The following NPAS3 variants were observed in gnomAD, a reference collection of about 807,000 sequenced individuals.
NPAS3 encodes neuronal PAS domain-containing protein 3.
NPAS3 carries 14 observed loss-of-function variants against 73.1 expected under a neutral mutation model. That is an observed-to-expected ratio of 0.19 (90% CI 0.13 to 0.30). NPAS3 has a LOEUF of 0.30. Among genes scored for constraint, NPAS3 ranks in the 10% least tolerant of loss-of-function variants. The pLI is 1.00. For missense variants in NPAS3, 1,096 were observed against 1,250.0 expected (o/e 0.88, Z 1.86); for synonymous variants, 620 against 541.5 (o/e 1.14, Z -2.01).
At chr14:33,797,698 C>T in intron 11 of NPAS3, 117 bp downstream of exon 11, 1 of 972,434 alleles carries the variant, frequency 1.0e-6, no homozygotes, top group Non-Finnish European at 1.6e-6. Context: ...TTCAGAGAGA[C>T]ATATGTCACA....
intron 4 of NPAS3, among the ~76,000 whole-genome samples, chr14:33,470,842 A>G (rs1259654397): frequency 2.0e-5 from 3 of 151,788 alleles, no homozygotes; most frequent in African/African-American, 4.8e-5. Flanking sequence ...CATTTCAGAG[A>G]TATTCTATTT....
chr14:33,170,379 G>A lies in NPAS3; in HGVS notation c.141-44803G>A, dbSNP rs2045345174. Among the ~76,000 whole-genome samples the A allele has an allele frequency of 3.9e-5, 6 of 152,322 alleles. No homozygotes were observed. In the South Asian group the frequency reaches 1.2e-3, roughly 32 times the overall value. Reference sequence around the variant, plus strand: ...GAACCATAATCTTTTGGCTGGTAGAGGGTCTTGCCTTCATGTTGGTGGCTG... The same window carrying A: ...GAACCATAATCTTTTGGCTGGTAGAAGGTCTTGCCTTCATGTTGGTGGCTG... On this transcript the variant is annotated intron_variant, in intron 2 of 11. Coordinates refer to ENST00000356141, the Ensembl canonical transcript of NPAS3.
intron 3 of NPAS3, among the ~76,000 whole-genome samples, chr14:33,346,291 G>A (rs1008630263): frequency 2.6e-5 from 4 of 151,672 alleles, no homozygotes; most frequent in African/African-American, 9.7e-5. Flanking sequence ...CACTTTGGGA[G>A]GCCAAGGTGG....
At chr14:33,735,382 G>C (rs1436624582) in intron 7 of NPAS3, 50 bp downstream of exon 7, 2 of 1,293,518 alleles carry the variant, frequency 1.5e-6, no homozygotes, top group East Asian at 2.3e-5. Context: ...CCAGTCCTAG[G>C]TAATTTGCAT....
At chr14:33,298,566 ATGTTTATTTC>A (rs1342864379) in intron 3 of NPAS3, among the ~76,000 whole-genome samples, 12 of 152,194 alleles carry the variant, frequency 7.9e-5, no homozygotes, top group African/African-American at 2.9e-4. Flanking sequence ...GACCTAAAAT[ATGTTTATTTC>A]TACCTCTTGC....
At chr14:33,246,367 G>A (rs1368468949) in intron 3 of NPAS3, among the ~76,000 whole-genome samples, 2 of 151,760 alleles carry the variant, frequency 1.3e-5, no homozygotes, top group East Asian at 2.0e-4. Flanking sequence ...GTGAAACCCC[G>A]TCTCTACTAA....
intron 7 of NPAS3, among the ~76,000 whole-genome samples, chr14:33,758,437 C>G (rs1189207532): frequency 6.6e-6 from 1 of 152,204 alleles, no homozygotes; most frequent in East Asian, 1.9e-4. Context: ...TCATTCAGGG[C>G]TTGGCCAATG....
chr14:33,612,671 G>T (rs751048389), intron 5 of NPAS3: 8 of 355,568 alleles, frequency 2.2e-5, no homozygotes, highest in Non-Finnish European at 3.3e-5. Context: ...GTTCTTAATT[G>T]TAAAGAGCAA....
intron 2 of NPAS3, among the ~76,000 whole-genome samples, chr14:33,126,454 C>G (rs138495968): frequency 6.6e-6 from 1 of 152,176 alleles, no homozygotes; most frequent in African/African-American, 2.4e-5. Context: ...CCAGATATTA[C>G]TCTGAGATGG....
chr14:33,610,170 G>A (rs1299987804), intron 5 of NPAS3, among the ~76,000 whole-genome samples: 1 of 152,132 alleles, frequency 6.6e-6, no homozygotes, highest in Non-Finnish European at 1.5e-5. Context: ...TGAGTTTAAA[G>A]AATATAAATT....
chr14:33,056,133 C>T, intron 2 of NPAS3, 139 bp downstream of exon 2: 1 of 536,298 alleles, frequency 1.9e-6, no homozygotes, highest in Non-Finnish European at 3.3e-6. Context: ...AAAAAACAAA[C>T]CAACAAACCA....
At chr14:33,110,094 G>A (rs182744113) in intron 2 of NPAS3, among the ~76,000 whole-genome samples, 4 of 152,002 alleles carry the variant, frequency 2.6e-5, no homozygotes, top group Admixed American at 2.0e-4. Flanking sequence ...AACATATTAC[G>A]TTGAGTGACA....
chr14:33,766,213 G>A (rs2062458922), intron 7 of NPAS3, among the ~76,000 whole-genome samples: 1 of 152,144 alleles, frequency 6.6e-6, no homozygotes, highest in African/African-American at 2.4e-5. Flanking sequence ...CAGGACTTTA[G>A]TATGTCAAGG....
At chr14:33,722,892 A>G (rs569195021) in intron 6 of NPAS3, among the ~76,000 whole-genome samples, 1 of 152,134 alleles carries the variant, frequency 6.6e-6, no homozygotes, top group Non-Finnish European at 1.5e-5. Context: ...GATGTGCTGG[A>G]ATTGAGCCAT....
chr14:33,768,239 G>A (rs146913234), intron 7 of NPAS3, among the ~76,000 whole-genome samples: 200 of 152,196 alleles, frequency 1.3e-3, no homozygotes, highest in African/African-American at 4.5e-3. Flanking sequence ...TAGCATTTTT[G>A]TACAGCTTTT....
intron 4 of NPAS3, among the ~76,000 whole-genome samples, chr14:33,380,593 G>A (rs2046503611): frequency 6.6e-6 from 1 of 152,172 alleles, no homozygotes; most frequent in South Asian, 2.1e-4. Flanking sequence ...TTTTGTGACA[G>A]TGCAGTAGAA....
intron 2 of NPAS3, among the ~76,000 whole-genome samples, chr14:33,154,243 G>A (rs1376895242): frequency 1.3e-5 from 2 of 152,210 alleles, no homozygotes; most frequent in Non-Finnish European, 2.9e-5. Context: ...TATGCTGATG[G>A]ATGTGGCACT....
chr14:33,015,132 A>G (rs1292627291), intron 1 of NPAS3, among the ~76,000 whole-genome samples: 1 of 152,188 alleles, frequency 6.6e-6, no homozygotes, highest in Non-Finnish European at 1.5e-5. Context: ...AGGGGGTGCT[A>G]CCAGTTCTGC....
At chr14:33,570,477 G>A (rs1254248477) in intron 5 of NPAS3, among the ~76,000 whole-genome samples, 2 of 152,200 alleles carry the variant, frequency 1.3e-5, no homozygotes, top group African/African-American at 2.4e-5. Flanking sequence ...AAAATAAGAG[G>A]TGAGACTAGG....
Sources: allele counts gnomAD v4.1 joint callset (sites outside exome capture counted in the v4.1 genomes callset), GRCh38; gene constraint gnomAD v4.1.1; transcripts MANE v1.5; gene names NCBI Gene and HGNC (gene_info 2026-07-23, HGNC 2026-07-21).